Variants in PHACTR1 observed in about 807,000 individuals in gnomAD.
PHACTR1 encodes RPEL repeat containing 1.
Under a neutral mutation model 69.2 loss-of-function variants are expected in PHACTR1, and 16 were observed. That is an observed-to-expected ratio of 0.23 (90% confidence interval 0.16 to 0.35). The LOEUF is 0.35. Among genes scored for constraint, PHACTR1 ranks in the 10% least tolerant of loss-of-function variants. The pLI, the probability that PHACTR1 is intolerant of heterozygous loss-of-function variation, is 1.00. For missense variants in PHACTR1, 510 were observed against 734.7 expected, an observed-to-expected ratio of 0.69 and a Z score of 3.54; for synonymous variants, 312 against 284.5, an observed-to-expected ratio of 1.10 and a Z score of -0.97.
intron 4 of PHACTR1, among the ~76,000 whole-genome samples, chr6:13,045,172 CTTCT>C (rs1174715286): frequency 3.9e-5 from 6 of 152,204 alleles, no homozygotes; most frequent in African/African-American, 1.4e-4. Context: ...ATGTGTTTCT[CTTCT>C]TTCGAGAATC....
At chr6:13,278,945 A>T (rs1779539003) in intron 12 of PHACTR1, among the ~76,000 whole-genome samples, 2 of 140,750 alleles carry the variant, frequency 1.4e-5, no homozygotes, top group African/African-American at 2.7e-5. Context: ...CCTGGGCAAC[A>T]GAGCAAGACT....
chr6:12,922,618 A>G (rs1787843347), intron 4 of PHACTR1, among the ~76,000 whole-genome samples: 1 of 152,214 alleles, frequency 6.6e-6, no homozygotes, highest in African/African-American at 2.4e-5. Context: ...TTCTCCATGC[A>G]TTGATTTCAA....
At chr6:13,048,204 T>A (rs924562126) in intron 4 of PHACTR1, among the ~76,000 whole-genome samples, 2 of 152,170 alleles carry the variant, frequency 1.3e-5, no homozygotes, top group Non-Finnish European at 2.9e-5. Context: ...CATGGCTCTC[T>A]CCTCACTTCA....
intron 4 of PHACTR1, among the ~76,000 whole-genome samples, chr6:12,752,198 T>A (rs574083595): frequency 6.6e-6 from 1 of 152,208 alleles, no homozygotes; most frequent in Non-Finnish European, 1.5e-5. Flanking sequence ...CACTCACAGA[T>A]GTGCCTTTCT....
chr6:12,854,350 G>A (rs563342352), intron 4 of PHACTR1, among the ~76,000 whole-genome samples: 1 of 152,210 alleles, frequency 6.6e-6, no homozygotes, highest in South Asian at 2.1e-4. Flanking sequence ...TCCCTCAGAT[G>A]TAGGGTAGTA....
chr6:13,270,593 TAAA>T (rs1359968562), intron 10 of PHACTR1, among the ~76,000 whole-genome samples: 5 of 152,298 alleles, frequency 3.3e-5, no homozygotes, highest in Admixed American at 2.6e-4. Flanking sequence ...GGGTCAAAGA[TAAA>T]TATGTTTTAT....
At chr6:12,886,713 T>G (rs1783677461) in intron 4 of PHACTR1, among the ~76,000 whole-genome samples, 1 of 152,110 alleles carries the variant, frequency 6.6e-6, no homozygotes, top group South Asian at 2.1e-4. Context: ...TCACAGCTCA[T>G]GGAGACACCT....
intron 4 of PHACTR1, among the ~76,000 whole-genome samples, chr6:12,947,032 C>G (rs925795162): frequency 1.3e-5 from 2 of 151,762 alleles, no homozygotes; most frequent in South Asian, 4.2e-4. Context: ...AGCCTGGTCT[C>G]AAACTCCTGA....
At chr6:13,216,986 A>G (rs375001755) in intron 8 of PHACTR1, among the ~76,000 whole-genome samples, 79 of 152,316 alleles carry the variant, frequency 5.2e-4, no homozygotes, top group African/African-American at 1.7e-3. Context: ...TTTTGCTTCA[A>G]TAGAAATACT....
At chr6:12,750,178 T>TGACATTCAGACTCTGTTGGC (rs1215697400) in intron 4 of PHACTR1, among the ~76,000 whole-genome samples, 27 of 152,262 alleles carry the variant, frequency 1.8e-4, no homozygotes, top group South Asian at 6.2e-4. Flanking sequence ...AACTTGTTGG[T>TGACATTCAGACTCTGTTGGC]GACATTCAGA....
At chr6:13,078,997 A>T (rs1810964927) in intron 5 of PHACTR1, among the ~76,000 whole-genome samples, 3 of 152,100 alleles carry the variant, frequency 2.0e-5, no homozygotes, top group Admixed American at 6.6e-5. Flanking sequence ...CCCAAACTTA[A>T]TTTTTTTTCT....
At chr6:13,071,732 A>T (rs952027775) in intron 5 of PHACTR1, among the ~76,000 whole-genome samples, 2 of 152,192 alleles carry the variant, frequency 1.3e-5, no homozygotes, top group Admixed American at 6.5e-5. Flanking sequence ...AGGTCCTCTA[A>T]ATAGTGGTTT....
intron 4 of PHACTR1, among the ~76,000 whole-genome samples, chr6:12,879,373 G>A (rs1782852966): frequency 6.6e-6 from 1 of 152,166 alleles, no homozygotes; most frequent in Non-Finnish European, 1.5e-5. Flanking sequence ...TCTTTTAAAT[G>A]TCACCCTAAG....
At position 13,230,273 on chromosome 6, in the gene PHACTR1, C is replaced by G. The variant is rs750447666; in HGVS notation, c.1391+80C>G. 10 of 1,548,480 alleles carry G rather than the reference C, an allele frequency of 6.5e-6. No individual in the cohort carries two copies. In the South Asian group the frequency reaches 8.4e-5, roughly 13 times the overall value. ...TCTAGCAAAAGAATTCAGTCTCGGC[C>G]GGGCGCAGTAGCTTATGCCTGTAAT... On this transcript the variant is annotated intron_variant, in intron 10 of 14. Coordinates refer to ENST00000332995, the MANE Select transcript of PHACTR1 (RefSeq NM_030948.6).
intron 4 of PHACTR1, among the ~76,000 whole-genome samples, chr6:13,017,823 C>T (rs73366243): frequency 0.016 from 2,382 of 151,724 alleles, 62 homozygotes; most frequent in African/African-American, 0.055. Context: ...ATCTTGAAGC[C>T]TCTCAGTCTT....
chr6:13,008,028 C>A (rs13207725), intron 4 of PHACTR1, among the ~76,000 whole-genome samples: 1 of 152,138 alleles, frequency 6.6e-6, no homozygotes, highest in Non-Finnish European at 1.5e-5. Flanking sequence ...CCCCACAAAA[C>A]ACACAAAAAA....
chr6:13,283,158 TA>T lies in PHACTR1; in HGVS notation c.1510-253del, dbSNP rs11285910. On this transcript the variant is annotated intron_variant, in intron 12 of 14. Coordinates refer to ENST00000332995, the MANE Select transcript of PHACTR1 (RefSeq NM_030948.6). The surrounding 1 kb of genome is among the most constrained non-coding windows in gnomAD (Gnocchi z 4.7). ...CATAATAAAAGATTTTTTTTAAGTT[TA>T]AAAAAAAAAAGAGCTTGGCCTAGAG... 0.21 allele frequency: 50,282 copies of T among 240,072 alleles called. 8,537 individuals are homozygous for T. Among genetic ancestry groups the T allele is most frequent in the African/African-American group, 0.57 (24,050 of 42,088 alleles). The allele number at this position is 240,072 out of a possible 1,614,324, so 14.9% of individuals were successfully genotyped here. A position where few individuals can be genotyped will look rare whatever the true frequency, so the allele number is the denominator to read the frequency against.
chr6:12,780,304 T>G (rs1362572512), intron 4 of PHACTR1, among the ~76,000 whole-genome samples: 1 of 150,988 alleles, frequency 6.6e-6, no homozygotes, highest in Non-Finnish European at 1.5e-5. Flanking sequence ...AGAGAAGCCA[T>G]TCCATTGTGT....
At chr6:13,218,761 A>G (rs1768064546) in intron 8 of PHACTR1, among the ~76,000 whole-genome samples, 2 of 151,124 alleles carry the variant, frequency 1.3e-5, no homozygotes, top group South Asian at 4.3e-4. Context: ...CAAGGTTGCA[A>G]TGAGCTATTT....
Sources: allele counts gnomAD v4.1 joint callset (sites outside exome capture counted in the v4.1 genomes callset), GRCh38; gene constraint gnomAD v4.1.1; non-coding constraint Gnocchi (gnomAD v3.1); transcripts MANE v1.5; gene names NCBI Gene and HGNC (gene_info 2026-07-23, HGNC 2026-07-21).